DIAPH2: variants seen among roughly 807,000 people sequenced by gnomAD.
DIAPH2 encodes the protein protein diaphanous homolog 2.
A neutral mutation model predicts 92.7 loss-of-function variants in DIAPH2; 35 were observed. That is an observed-to-expected ratio of 0.38 (90% confidence interval 0.29 to 0.50). The LOEUF is 0.50. Among genes scored for constraint, DIAPH2 ranks in the 20% least tolerant of loss-of-function variants. The pLI is 0.94. For missense variants in DIAPH2, 701 were observed against 819.5 expected, an observed-to-expected ratio of 0.86 and a Z score of 1.77; for synonymous variants, 301 against 280.4, an observed-to-expected ratio of 1.07 and a Z score of -0.73.
intron 18 of DIAPH2, among the ~76,000 whole-genome samples, chrX:97,073,813 G>T (rs936394362): frequency 8.9e-6 from 1 of 112,457 alleles, no homozygotes; most frequent in African/African-American, 3.2e-5. Context: ...TCATTCTCAT[G>T]TCAGTAGAAA....
intron 23 of DIAPH2, among the ~76,000 whole-genome samples, chrX:97,282,979 T>C (rs1225787362): frequency 9.0e-6 from 1 of 111,697 alleles, no homozygotes; most frequent in Non-Finnish European, 1.9e-5. Flanking sequence ...TAGGATGTCA[T>C]AACATAATTG....
intron 22 of DIAPH2, among the ~76,000 whole-genome samples, chrX:97,200,546 T>C (rs1212721542): frequency 8.9e-6 from 1 of 111,773 alleles, no homozygotes; most frequent in East Asian, 2.8e-4. Flanking sequence ...CTGACAGGTT[T>C]GGACTGGGCG....
intron 25 of DIAPH2, among the ~76,000 whole-genome samples, chrX:97,421,864 T>C (rs2070012049): frequency 9.0e-6 from 1 of 111,308 alleles, no homozygotes; most frequent in Non-Finnish European, 1.9e-5. Flanking sequence ...GCTCTGATAT[T>C]ACCTATCCAA....
At chrX:97,216,863 T>G (rs2067887933) in intron 22 of DIAPH2, among the ~76,000 whole-genome samples, 1 of 111,773 alleles carries the variant, frequency 8.9e-6, no homozygotes, top group Non-Finnish European at 1.9e-5. Context: ...TTTTCCGCCT[T>G]GAACTATTTG....
At chrX:97,022,928 A>G (rs1420658796) in intron 17 of DIAPH2, among the ~76,000 whole-genome samples, 1 of 111,292 alleles carries the variant, frequency 9.0e-6, no homozygotes, top group Non-Finnish European at 1.9e-5. Flanking sequence ...GCACGTCTGT[A>G]GTCCTAGCTA....
chrX:97,275,879 G>A (rs1007050754), intron 23 of DIAPH2, among the ~76,000 whole-genome samples: 19 of 112,293 alleles, frequency 1.7e-4, no homozygotes, highest in African/African-American at 2.9e-4. Context: ...ACTGGGTGGC[G>A]GCCGGGCAGA....
At chrX:96,851,485 C>T (rs896795738) in intron 4 of DIAPH2, among the ~76,000 whole-genome samples, 5 of 111,809 alleles carry the variant, frequency 4.5e-5, no homozygotes, top group African/African-American at 1.6e-4. Context: ...TGCCAAATCC[C>T]TTATATAACA....
intron 19 of DIAPH2, among the ~76,000 whole-genome samples, chrX:97,088,968 A>G (rs999492492): frequency 5.4e-5 from 6 of 110,787 alleles, no homozygotes; most frequent in Admixed American, 9.7e-5. Context: ...AAGTGCATGC[A>G]GTCAGTGTGT....
At position 97,268,645 on chromosome X, in the gene DIAPH2, CAA is replaced by C. The variant is rs761702501; in HGVS notation, c.2844+20807_2844+20808del. ...GGAAAGTCATTTGCCACATCTTGCT[CAA>C]GTTTACTCAGTTTTAAATGTAGTTG... On this transcript the variant is annotated intron_variant, in intron 23 of 26. Coordinates refer to ENST00000324765, the MANE Select transcript of DIAPH2 (RefSeq NM_006729.5). Among the ~76,000 whole-genome samples, 9 of 111,602 alleles carry C rather than the reference CAA, an allele frequency of 8.1e-5. 1 individual carries two copies. In the East Asian group the frequency reaches 1.7e-3, roughly 21 times the overall value.
chrX:96,958,444 T>A (rs145360622), intron 16 of DIAPH2, among the ~76,000 whole-genome samples: 1 of 112,162 alleles, frequency 8.9e-6, no homozygotes, highest in East Asian at 2.8e-4. Context: ...TTTAAAAATT[T>A]TTTATTGATA....
chrX:97,020,137 G>A (rs1023823596), intron 17 of DIAPH2, among the ~76,000 whole-genome samples: 1 of 112,324 alleles, frequency 8.9e-6, no homozygotes, highest in Non-Finnish European at 1.9e-5. Flanking sequence ...GTTAACACAG[G>A]CTTCAGTATC....
chrX:96,893,883 C>T (rs977733294), intron 5 of DIAPH2, among the ~76,000 whole-genome samples: 4 of 111,538 alleles, frequency 3.6e-5, no homozygotes. Flanking sequence ...GCTCTATGAC[C>T]CCAGCTGTTC....
At chrX:97,307,510 A>AT (rs746582395) in intron 23 of DIAPH2, among the ~76,000 whole-genome samples, 141 of 111,897 alleles carry the variant, frequency 1.3e-3, no homozygotes, top group South Asian at 2.2e-3. Flanking sequence ...AATTCTTTTT[A>AT]TTTTTTCATG....
chrX:96,923,917 T>C, intron 9 of DIAPH2, among the ~76,000 whole-genome samples: 1 of 111,798 alleles, frequency 8.9e-6, no homozygotes, highest in Non-Finnish European at 1.9e-5. Flanking sequence ...ATGTGGGAAT[T>C]ATATAATTCA....
Position 96,942,070 on chromosome X carries a change from T to A in DIAPH2, c.1378T>A (p.Cys460Ser), listed in dbSNP as rs1288085688. The A allele has an allele frequency of 3.3e-6, 4 of 1,195,077 alleles. No individual in the cohort carries two copies. The African/African-American group carries it at 7.0e-5, about 21-fold the overall frequency. ...EECVSQIVLH[C>S]SGMDPDFKYR... ...ATGTGTTTCACAGATAGTGCTACAC[T>A]GCAGTGGTATGGATCCAGACTTCAA... The change falls in exon 13 of 27, where the codon TGC becomes AGC. Residue 460 changes from cysteine (C) to serine (S), a missense_variant. By Grantham distance (112) the Cys-to-Ser change is moderately radical (BLOSUM62 -1). Transcript: ENST00000324765.
At chrX:97,248,751 A>G (rs1471750560) in intron 23 of DIAPH2, among the ~76,000 whole-genome samples, 4 of 111,651 alleles carry the variant, frequency 3.6e-5, no homozygotes, top group Non-Finnish European at 7.5e-5. Flanking sequence ...GGTTAAATCT[A>G]TTGCCTTTTT....
intron 24 of DIAPH2, among the ~76,000 whole-genome samples, chrX:97,363,769 C>T (rs1201160304): frequency 9.5e-6 from 1 of 105,630 alleles, no homozygotes; most frequent in Non-Finnish European, 1.9e-5. Flanking sequence ...AGAAGATAGA[C>T]AATAACATCC....
At chrX:96,964,580 C>T (rs1352973740) in intron 16 of DIAPH2, among the ~76,000 whole-genome samples, 1 of 111,603 alleles carries the variant, frequency 9.0e-6, no homozygotes, top group African/African-American at 3.3e-5. Flanking sequence ...TGTGTTTCCT[C>T]ATCTTTTAAT....
chrX:97,453,934 C>T (rs764742549), intron 26 of DIAPH2: 2 of 111,745 alleles, frequency 1.8e-5, no homozygotes, highest in Admixed American at 9.5e-5. Flanking sequence ...AGCACAGGAA[C>T]ACTTCACCTC....
Sources: allele counts gnomAD v4.1 joint callset (sites outside exome capture counted in the v4.1 genomes callset), GRCh38; gene constraint gnomAD v4.1.1; transcripts MANE v1.5; gene names NCBI Gene and HGNC (gene_info 2026-07-23, HGNC 2026-07-21).